DGUOK: variants seen among roughly 807,000 people sequenced by gnomAD.
DGUOK encodes the protein deoxyguanosine kinase, also known as deoxyguanosine kinase, mitochondrial.
In DGUOK, 30 loss-of-function variants were observed where a neutral mutation model predicts 36.6. The observed-to-expected ratio is 0.82, with a 90% confidence interval of 0.61 to 1.11. The LOEUF is 1.11. DGUOK is among the 50% of genes most tolerant of loss of function. DGUOK has a pLI of 0.00. For missense variants in DGUOK, 361 were observed against 336.4 expected, an observed-to-expected ratio of 1.07 and a Z score of -0.57; for synonymous variants, 145 against 126.3, an observed-to-expected ratio of 1.15 and a Z score of -0.99.
chr2:73,957,060 C>T (rs1396439560), intron 4 of DGUOK, 65 bp from the exon 5 acceptor site: 10 of 1,177,328 alleles, frequency 8.5e-6, no homozygotes, highest in African/African-American at 3.0e-5. Flanking sequence ...TCAGAGCCCC[C>T]GAAGACTGCA....
chr2:73,939,579 G>C lies in DGUOK; in HGVS notation c.255+557G>C, dbSNP rs543386510. Among the ~76,000 whole-genome samples, 160 of 152,338 alleles carry C rather than the reference G, an allele frequency of 1.1e-3. 4 individuals are homozygous for C. In the South Asian group the frequency reaches 0.032, roughly 31 times the overall value. ...TGTCAAGACTATGGCTTTGGCAGAGGCCATAGAGTTGGTTTCCAGCCACAT... is the reference window on the plus strand; with the variant it reads ...TGTCAAGACTATGGCTTTGGCAGAGCCCATAGAGTTGGTTTCCAGCCACAT... On this transcript the variant is annotated intron_variant, in intron 2 of 6. Transcript: ENST00000264093.
At chr2:73,955,697 A>AC (rs1330273270) in intron 4 of DGUOK, among the ~76,000 whole-genome samples, 1 of 151,786 alleles carries the variant, frequency 6.6e-6, no homozygotes, top group African/African-American at 2.4e-5. Context: ...ACATGGTGAA[A>AC]CCCCATCTCT....
intron 2 of DGUOK, among the ~76,000 whole-genome samples, chr2:73,944,470 T>C (rs1306309706): frequency 2.6e-5 from 4 of 152,208 alleles, no homozygotes. Flanking sequence ...TTCTTATTGT[T>C]CCTTTTTTAT....
At chr2:73,957,726 T>G (rs991744159) in intron 5 of DGUOK, among the ~76,000 whole-genome samples, 1 of 152,210 alleles carries the variant, frequency 6.6e-6, no homozygotes, top group African/African-American at 2.4e-5. Flanking sequence ...TTTATTAGAT[T>G]GTATTTCTCC....
chr2:73,958,177 G>C lies in DGUOK; in HGVS notation c.739G>C (p.Val247Leu), dbSNP rs1273149631. 4.3e-6 allele frequency: 7 copies of C among 1,613,884 alleles called. No homozygotes were observed. In the East Asian group the frequency reaches 6.7e-5, roughly 15 times the overall value. The change falls in exon 6 of 7, where the codon GTG (valine) becomes CTG (leucine). Residue 247 changes from valine to leucine, a missense_variant. By Grantham distance (32) the Val-to-Leu change is conservative. Transcript: ENST00000264093. ...CTTTGAGGCTCTGATGAACATTCCA[G>C]TGCTGGTGTTGGATGTCAATGATGA... ...LHFEALMNIP[V>L]LVLDVNDDFS...
In DGUOK at chr2:73,946,705, T is replaced by G; in HGVS notation, c.256-14T>G. On this transcript the variant is annotated splice_polypyrimidine_tract_variant and intron_variant, in intron 2 of 6. Coordinates refer to ENST00000264093, the MANE Select transcript of DGUOK (RefSeq NM_080916.3). ...TTTCTAGGAAATTTTCTTCTTTTTTTCATCTCCCTCTAGGCCTGCACTGCC... is the reference window on the plus strand; with the variant it reads ...TTTCTAGGAAATTTTCTTCTTTTTTGCATCTCCCTCTAGGCCTGCACTGCC... The G allele has an allele frequency of 1.2e-6, 2 of 1,614,008 alleles. No individual in the cohort carries two copies. Among genetic ancestry groups the G allele is most frequent in the Non-Finnish European group, 1.7e-6 (2 of 1,179,902 alleles).
intron 2 of DGUOK, among the ~76,000 whole-genome samples, chr2:73,942,377 G>C (rs1681968458): frequency 6.6e-6 from 1 of 151,940 alleles, no homozygotes; most frequent in South Asian, 2.1e-4. Flanking sequence ...TTGCTTTTAT[G>C]GTTTTATGTT....
chr2:73,953,424 T>C (rs920865073), intron 4 of DGUOK, among the ~76,000 whole-genome samples: 7 of 151,858 alleles, frequency 4.6e-5, no homozygotes, highest in South Asian at 2.1e-4. Context: ...AAAAGAAAAA[T>C]AGCTTATTCA....
At chr2:73,947,659 A>T (rs1217633424) in intron 3 of DGUOK, 1 of 153,654 alleles carries the variant, frequency 6.5e-6, no homozygotes, top group Non-Finnish European at 1.4e-5. Flanking sequence ...TCTGCTGCAG[A>T]GACCAGGCTG....
Position 73,958,872 on chromosome 2 carries a change from G to A in DGUOK, c.*136G>A. The A allele has an allele frequency of 1.4e-6, 1 of 727,384 alleles. No homozygotes were observed. Among genetic ancestry groups the A allele is most frequent in the East Asian group, 2.6e-5 (1 of 38,732 alleles). 45.1% of individuals were successfully genotyped at this position (727,384 alleles called of 1,614,324 possible). A position where few individuals can be genotyped will look rare whatever the true frequency, so the allele number is the denominator to read the frequency against. On this transcript the variant is annotated 3_prime_UTR_variant, in exon 7 of 7. Coordinates refer to ENST00000264093, the MANE Select transcript of DGUOK (RefSeq NM_080916.3). Reference sequence around the variant, plus strand: ...CACTCTGCCGCTCAAGAGCTGGTTTGTTAATTATTGTTAGACTTTGCCATT... The same window carrying A: ...CACTCTGCCGCTCAAGAGCTGGTTTATTAATTATTGTTAGACTTTGCCATT...
At chr2:73,929,053 G>C (rs1373238023) in intron 1 of DGUOK, among the ~76,000 whole-genome samples, 1 of 152,180 alleles carries the variant, frequency 6.6e-6, no homozygotes, top group Non-Finnish European at 1.5e-5. Context: ...TTTGACTTGA[G>C]TACTTGAAAG....
At chr2:73,957,966 C>T in intron 5 of DGUOK, 180 bp from the exon 6 acceptor site, 1 of 542,416 alleles carries the variant, frequency 1.8e-6, no homozygotes, top group South Asian at 1.9e-5. Context: ...AAACCTCAAC[C>T]TTTCTGTTTC....
intron 1 of DGUOK, among the ~76,000 whole-genome samples, chr2:73,927,930 G>C (rs1011477136): frequency 1.3e-5 from 2 of 152,118 alleles, no homozygotes; most frequent in Non-Finnish European, 2.9e-5. Flanking sequence ...ATCACCTTTT[G>C]AGCCACTTCC....
At chr2:73,943,764 C>T (rs1682083321) in intron 2 of DGUOK, among the ~76,000 whole-genome samples, 1 of 152,024 alleles carries the variant, frequency 6.6e-6, no homozygotes, top group Admixed American at 6.6e-5. Flanking sequence ...ATTCTCCTGC[C>T]TCAGCCTCCC....
At chr2:73,939,928 G>A (rs1348850921) in intron 2 of DGUOK, among the ~76,000 whole-genome samples, 1 of 132,584 alleles carries the variant, frequency 7.5e-6, no homozygotes, top group Non-Finnish European at 1.6e-5. Context: ...TTTTTTGACA[G>A]TCTCATTCTG....
At chr2:73,935,105 G>C (rs1470938011) in intron 1 of DGUOK, among the ~76,000 whole-genome samples, 1 of 147,702 alleles carries the variant, frequency 6.8e-6, no homozygotes, top group East Asian at 2.0e-4. Flanking sequence ...CAATATATTG[G>C]ACAGGTCAAA....
intron 2 of DGUOK, 24 bp from the exon 3 acceptor site, chr2:73,946,692 TTTC>T (rs750602924): frequency 8.1e-6 from 13 of 1,611,774 alleles, no homozygotes; most frequent in African/African-American, 1.3e-5. Flanking sequence ...TCTAGGAAAT[TTTC>T]TTCTTTTTTT....
At position 73,938,916 on chromosome 2, in the gene DGUOK, G is replaced by T; in HGVS notation, c.149G>T (p.Gly50Val). 1 of 1,612,278 alleles carries T rather than the reference G, an allele frequency of 6.2e-7. No homozygotes were observed. Among genetic ancestry groups the T allele is most frequent in the South Asian group, 1.1e-5 (1 of 91,052 alleles). The stretch of plus-strand genomic sequence containing the variant: ...CATGCTATTTGCATTGCAGCTGTGG[G>T]AAAGTCCACGTTTGTGAAGTTACTC... ...RLSIEGNIAV[G>V]KSTFVKLLTK... The change falls in exon 2 of 7, where the codon GGA becomes GTA. Residue 50 changes from glycine to valine, a missense_variant. Transcript: ENST00000264093.
intron 4 of DGUOK, among the ~76,000 whole-genome samples, chr2:73,953,108 G>A (rs373262928): frequency 9.2e-5 from 14 of 152,088 alleles, no homozygotes; most frequent in East Asian, 5.8e-4. Context: ...AACTCATTCC[G>A]GCGAGAATTA....
Sources: gnomAD v4.1 joint callset for allele counts (sites outside exome capture counted in the v4.1 genomes callset) on GRCh38, gnomAD v4.1.1 for gene constraint, MANE v1.5 for transcripts, NCBI Gene and HGNC (gene_info 2026-07-23, HGNC 2026-07-21) for gene names.